DLG2: variants seen among roughly 807,000 people sequenced by gnomAD.
DLG2 encodes disks large homolog 2.
A neutral mutation model predicts 132.5 loss-of-function variants in DLG2; 45 were observed. That is an observed-to-expected ratio of 0.34 (90% CI 0.27 to 0.44). DLG2 has a LOEUF of 0.44. DLG2 is among the 20% of genes least tolerant of loss of function. DLG2 has a pLI of 1.00. For synonymous variants in DLG2, 424 were observed against 419.6 expected, an observed-to-expected ratio of 1.01 and a Z score of -0.13; for missense variants, 1,045 against 1,196.9, an observed-to-expected ratio of 0.87 and a Z score of 1.87.
At chr11:84,170,540 A>G (rs1335547909) in intron 8 of DLG2, among the ~76,000 whole-genome samples, 6 of 152,188 alleles carry the variant, frequency 3.9e-5, no homozygotes, top group Admixed American at 1.3e-4. Flanking sequence ...CAATAGGAAT[A>G]GGTGATTCCA....
At chr11:83,897,829 C>T (rs2072221915) in intron 15 of DLG2, among the ~76,000 whole-genome samples, 1 of 152,102 alleles carries the variant, frequency 6.6e-6, no homozygotes, top group African/African-American at 2.4e-5. Flanking sequence ...ATACATACTA[C>T]TTATTTAGAA....
chr11:84,411,254 A>G (rs1272837011), intron 7 of DLG2, among the ~76,000 whole-genome samples: 1 of 152,226 alleles, frequency 6.6e-6, no homozygotes, highest in African/African-American at 2.4e-5. Flanking sequence ...CTAGAAATTA[A>G]TATTTACCAC....
At chr11:84,698,082 T>C (rs776944814) in intron 6 of DLG2, among the ~76,000 whole-genome samples, 16 of 151,490 alleles carry the variant, frequency 1.1e-4, no homozygotes, top group Non-Finnish European at 1.9e-4. Context: ...AATTCTTAAT[T>C]ATTCTAAATG....
intron 7 of DLG2, among the ~76,000 whole-genome samples, chr11:84,313,302 A>C (rs2098311036): frequency 1.3e-5 from 2 of 151,264 alleles, no homozygotes; most frequent in Admixed American, 1.3e-4. Flanking sequence ...TTTAGTAGGG[A>C]CAGGGTTTCA....
chr11:85,403,146 G>A (rs1188401533), intron 3 of DLG2, among the ~76,000 whole-genome samples: 1 of 152,142 alleles, frequency 6.6e-6, no homozygotes, highest in Non-Finnish European at 1.5e-5. Context: ...TATACACCAT[G>A]GAATACTATG....
intron 7 of DLG2, among the ~76,000 whole-genome samples, chr11:84,533,212 T>C (rs1231264476): frequency 1.3e-5 from 2 of 152,170 alleles, no homozygotes; most frequent in African/African-American, 2.4e-5. Context: ...AAATATAATA[T>C]ACATTCCTGT....
At chr11:84,448,183 T>A (rs967691230) in intron 7 of DLG2, among the ~76,000 whole-genome samples, 1 of 152,100 alleles carries the variant, frequency 6.6e-6, no homozygotes, top group African/African-American at 2.4e-5. Context: ...AACTTTCTTT[T>A]AAGTAAAATT....
intron 8 of DLG2, among the ~76,000 whole-genome samples, chr11:84,200,900 G>A (rs1266733616): frequency 6.6e-6 from 1 of 152,024 alleles, no homozygotes; most frequent in Admixed American, 6.6e-5. Context: ...CAAACAAGAT[G>A]GTTTGACTTC....
intron 6 of DLG2, among the ~76,000 whole-genome samples, chr11:84,639,492 T>C (rs2099650443): frequency 6.6e-6 from 1 of 152,154 alleles, no homozygotes; most frequent in Non-Finnish European, 1.5e-5. Context: ...TAATACTTAT[T>C]ATAAAGGTTT....
intron 9 of DLG2, among the ~76,000 whole-genome samples, chr11:84,153,172 C>G (rs1417908067): frequency 1.3e-5 from 2 of 152,212 alleles, no homozygotes; most frequent in Admixed American, 6.5e-5. Flanking sequence ...GACCCTCAAT[C>G]TCTTCTGGCT....
intron 6 of DLG2, among the ~76,000 whole-genome samples, chr11:84,678,952 T>C (rs1000276353): frequency 1.3e-5 from 2 of 152,094 alleles, no homozygotes; most frequent in African/African-American, 4.8e-5. Context: ...ATGTAAATTA[T>C]GATTCTACAT....
At chr11:85,506,355 T>C (rs1215538015) in intron 3 of DLG2, among the ~76,000 whole-genome samples, 1 of 152,176 alleles carries the variant, frequency 6.6e-6, no homozygotes, top group African/African-American at 2.4e-5. Flanking sequence ...GGGCATTTAG[T>C]GCTATAAATT....
chr11:84,460,327 T>C (rs2099077062), intron 7 of DLG2, among the ~76,000 whole-genome samples: 1 of 150,606 alleles, frequency 6.6e-6, no homozygotes. Context: ...TTCTTATCAT[T>C]TTTGACATCT....
In DLG2 at chr11:84,738,203, T is replaced by C. The variant is rs1002352596; in HGVS notation, c.358-203472A>G. Among the ~76,000 whole-genome samples, 80 of 152,216 alleles carry C rather than the reference T, an allele frequency of 5.3e-4. 1 individual carries two copies. Among genetic ancestry groups the C allele is most frequent in the African/African-American group, 1.9e-3 (79 of 41,570 alleles). On this transcript the variant is annotated intron_variant, in intron 6 of 27. Coordinates refer to ENST00000376104, the MANE Select transcript of DLG2 (RefSeq NM_001142699.3). ...AGTCAGACTTTGCAGAACTCCAGTA[T>C]GTAACAATTTTCTTTTTTTTCTTTT...
chr11:84,006,207 G>A (rs1470593711), intron 11 of DLG2, among the ~76,000 whole-genome samples: 4 of 151,804 alleles, frequency 2.6e-5, no homozygotes, highest in Non-Finnish European at 4.4e-5. Flanking sequence ...ATTATATAAA[G>A]TGAAATAAGC....
chr11:83,571,128 C>A (rs892346209), intron 19 of DLG2, among the ~76,000 whole-genome samples: 1 of 152,136 alleles, frequency 6.6e-6, no homozygotes, highest in Non-Finnish European at 1.5e-5. Context: ...GTGATCCACC[C>A]ACCTTGGCCT....
intron 8 of DLG2, among the ~76,000 whole-genome samples, chr11:84,214,242 T>TATATATACACATATATATGA (rs2096801257): frequency 7.0e-6 from 1 of 143,540 alleles, no homozygotes; most frequent in East Asian, 2.0e-4. Flanking sequence ...TATATATGAA[T>TATATATACACATATATATGA]ATATATATAC....
chr11:83,818,989 C>G (rs2049908333), intron 17 of DLG2, among the ~76,000 whole-genome samples: 1 of 152,122 alleles, frequency 6.6e-6, no homozygotes, highest in African/African-American at 2.4e-5. Flanking sequence ...CTGTCTGCTA[C>G]ACACAAAGGA....
chr11:83,816,530 C>T (rs1242012539), intron 17 of DLG2, among the ~76,000 whole-genome samples: 1 of 152,006 alleles, frequency 6.6e-6, no homozygotes, highest in Non-Finnish European at 1.5e-5. Context: ...AGTATATTCC[C>T]TGGTAGTGCT....
Sources: gnomAD v4.1 joint callset for allele counts (sites outside exome capture counted in the v4.1 genomes callset) on GRCh38, gnomAD v4.1.1 for gene constraint, MANE v1.5 for transcripts, NCBI Gene and HGNC (gene_info 2026-07-23, HGNC 2026-07-21) for gene names.